The following EPHA5 variants were observed in gnomAD, a reference collection of about 807,000 sequenced individuals.
EPHA5 encodes the protein ephrin type-A receptor 5.
A neutral mutation model predicts 105.0 loss-of-function variants in EPHA5; 60 were observed. The observed-to-expected ratio is 0.57, with a 90% CI of 0.46 to 0.71. EPHA5 has a LOEUF of 0.71. Among genes scored for constraint, EPHA5 ranks in the 30% least tolerant of loss-of-function variants. EPHA5 has a pLI of 0.00. For missense variants in EPHA5, 1,218 were observed against 1,274.7 expected (o/e 0.96, Z 0.68); for synonymous variants, 513 against 449.1 (o/e 1.14, Z -1.80).
chr4:65,541,648 AGTGGGAGAATCTAACACCCCACT>A (rs1373067376), intron 3 of EPHA5, among the ~76,000 whole-genome samples: 1 of 151,994 alleles, frequency 6.6e-6, no homozygotes, highest in Non-Finnish European at 1.5e-5. Flanking sequence ...ACATGATAAC[AGTGGGAGAATCTAACACCCCACT>A]GTCAGTATTG....
At chr4:65,556,305 G>T (rs1738434086) in intron 3 of EPHA5, among the ~76,000 whole-genome samples, 1 of 152,136 alleles carries the variant, frequency 6.6e-6, no homozygotes, top group South Asian at 2.1e-4. Flanking sequence ...GAGTGTCAGG[G>T]CTTAGCCAGG....
chr4:65,667,204 A>C (rs1750040800), intron 1 of EPHA5, among the ~76,000 whole-genome samples: 1 of 152,198 alleles, frequency 6.6e-6, no homozygotes, highest in Non-Finnish European at 1.5e-5. Flanking sequence ...AGCATAAATA[A>C]ATATTTTAAT....
chr4:65,480,395 G>T (rs998318317), intron 5 of EPHA5, among the ~76,000 whole-genome samples: 1 of 152,062 alleles, frequency 6.6e-6, no homozygotes, highest in African/African-American at 2.4e-5. Flanking sequence ...CTCAGTTTCC[G>T]TTTCTCCTCG....
chr4:65,642,349 A>C (rs73822526), intron 2 of EPHA5, among the ~76,000 whole-genome samples: 2,194 of 152,092 alleles, frequency 0.014, 54 homozygotes, highest in African/African-American at 0.05. Flanking sequence ...AGAGTGTAAG[A>C]AAGATAAAAG....
intron 3 of EPHA5, among the ~76,000 whole-genome samples, chr4:65,590,292 T>C (rs1420240405): frequency 6.6e-6 from 1 of 152,124 alleles, no homozygotes; most frequent in South Asian, 2.1e-4. Flanking sequence ...TTCTTACAGA[T>C]GAAACACTGC....
rs1016862001 is a variant in EPHA5 at position 65,384,615 on chromosome 4, G to A, written c.1794-17191C>T. ...ATTACCCTATCCTGTCTGCCTTTGG[G>A]TTTCTACCAAATGCATGTGATGTTG... On this transcript the variant is annotated intron_variant, in intron 8 of 16. Coordinates refer to ENST00000613740, the MANE Select transcript of EPHA5 (RefSeq NM_001281766.3). Among the ~76,000 whole-genome samples, 3 of 151,896 alleles carry A rather than the reference G, an allele frequency of 2.0e-5. No homozygotes were observed. In the South Asian group the frequency reaches 6.2e-4, roughly 32 times the overall value.
chr4:65,530,750 A>C (rs1381945646), intron 3 of EPHA5, among the ~76,000 whole-genome samples: 1 of 152,196 alleles, frequency 6.6e-6, no homozygotes, highest in Non-Finnish European at 1.5e-5. Flanking sequence ...GGTATTATGA[A>C]TTGAAATGGA....
intron 5 of EPHA5, among the ~76,000 whole-genome samples, chr4:65,449,331 A>C (rs980655967): frequency 6.6e-6 from 1 of 152,184 alleles, no homozygotes; most frequent in African/African-American, 2.4e-5. Context: ...AGCATTAATG[A>C]GGGTTTAAAA....
chr4:65,504,227 A>G (rs1732777147), intron 3 of EPHA5, among the ~76,000 whole-genome samples: 1 of 151,406 alleles, frequency 6.6e-6, no homozygotes, highest in Non-Finnish European at 1.5e-5. Flanking sequence ...CTCATTTAGT[A>G]TTCCAAAAAT....
chr4:65,548,152 T>C (rs542738235), intron 3 of EPHA5, among the ~76,000 whole-genome samples: 2 of 125,302 alleles, frequency 1.6e-5, no homozygotes, highest in South Asian at 2.4e-4. Flanking sequence ...GTTATCAAAA[T>C]GGATATTAAA....
At chr4:65,495,939 A>G (rs1490106721) in intron 3 of EPHA5, among the ~76,000 whole-genome samples, 1 of 152,196 alleles carries the variant, frequency 6.6e-6, no homozygotes, top group Non-Finnish European at 1.5e-5. Flanking sequence ...CTAAAATGGT[A>G]TGATACAAAG....
Position 65,461,423 on chromosome 4 carries a change from G to A in EPHA5, c.1402+28954C>T, listed in dbSNP as rs13148217. 5.3e-3 allele frequency among the ~76,000 whole-genome samples: 805 copies of A among 151,964 alleles called. 11 individuals are homozygous for A. The highest frequency in any genetic ancestry group is 5.0e-3 in the Non-Finnish European group (336 of 67,850). ...GTAAATCTAAATATGTAATGTTGCC[G>A]TTCTCTTAAAGGACTTCCAATTTGC... On this transcript the variant is annotated intron_variant, in intron 5 of 16. Transcript: ENST00000613740.
chr4:65,351,575 C>T lies in EPHA5; in HGVS notation c.2259G>A (p.Val753=). 6.2e-7 allele frequency: 1 copy of T among 1,613,572 alleles called. No individual in the cohort carries two copies. The highest frequency in any genetic ancestry group is 8.5e-7 in the Non-Finnish European group (1 of 1,179,698). The part of the protein sequence containing the change: ...FLKKNDGQFT[V]IQLVGMLRGI... ...CTCTCAGCATGCCAACAAGCTGAAT[C>T]ACAGTGAACTGCCCATCGTTTTTCT... Residue 753 remains valine, a synonymous_variant, in exon 13 of 17, where the codon GTG becomes GTA. Transcript: ENST00000613740.
At chr4:65,615,971 A>T (rs1330022328) in intron 2 of EPHA5, among the ~76,000 whole-genome samples, 1 of 151,954 alleles carries the variant, frequency 6.6e-6, no homozygotes, top group Non-Finnish European at 1.5e-5. Flanking sequence ...CGTCCACAGA[A>T]ATACCTGTAC....
chr4:65,660,083 T>C (rs1051024621), intron 1 of EPHA5, among the ~76,000 whole-genome samples: 2 of 152,078 alleles, frequency 1.3e-5, no homozygotes, highest in African/African-American at 4.8e-5. Flanking sequence ...TGTGTGTGTA[T>C]TTAAAAGTGA....
intron 3 of EPHA5, among the ~76,000 whole-genome samples, chr4:65,500,659 A>T (rs948496231): frequency 2.6e-5 from 4 of 151,082 alleles, no homozygotes; most frequent in Admixed American, 1.3e-4. Flanking sequence ...ACCTTGGGAT[A>T]ACTAAGTATA....
chr4:65,669,536 C>A, intron 1 of EPHA5, 26 bp downstream of exon 1: 1 of 1,360,012 alleles, frequency 7.4e-7, no homozygotes, highest in Non-Finnish European at 9.5e-7. Context: ...CCCAGGTCGC[C>A]ACGGTCCCCA....
At chr4:65,595,442 T>A (rs1477042044) in intron 3 of EPHA5, among the ~76,000 whole-genome samples, 4 of 152,148 alleles carry the variant, frequency 2.6e-5, no homozygotes, top group Admixed American at 6.5e-5. Flanking sequence ...TAGTTTTATT[T>A]ACCCATTGGA....
chr4:65,424,195 C>A (rs1321731126), intron 5 of EPHA5, among the ~76,000 whole-genome samples: 2 of 152,012 alleles, frequency 1.3e-5, no homozygotes, highest in East Asian at 1.9e-4. Flanking sequence ...AATGTAGAAA[C>A]CTCTAATATC....
Sources: gnomAD v4.1 joint callset for allele counts (sites outside exome capture counted in the v4.1 genomes callset) on GRCh38, gnomAD v4.1.1 for gene constraint, MANE v1.5 for transcripts, NCBI Gene and HGNC (gene_info 2026-07-23, HGNC 2026-07-21) for gene names.